NCKAP1: variants seen among roughly 807,000 people sequenced by gnomAD.
The protein encoded by NCKAP1 is nck-associated protein 1.
Under a neutral mutation model 151.2 loss-of-function variants are expected in NCKAP1, and 21 were observed. The ratio of observed to expected loss-of-function variants is 0.14; its 90% CI spans 0.10 to 0.20. The LOEUF is 0.20. Among genes scored for constraint, NCKAP1 ranks in the 10% least tolerant of loss-of-function variants. The pLI, the probability that NCKAP1 is intolerant of heterozygous loss-of-function variation, is 1.00. For missense variants in NCKAP1, 933 were observed against 1,352.1 expected (o/e 0.69, Z 4.86); for synonymous variants, 484 against 451.8 (o/e 1.07, Z -0.90).
intron 8 of NCKAP1, among the ~76,000 whole-genome samples, chr2:182,991,447 T>A (rs1698169220): frequency 6.6e-6 from 1 of 151,866 alleles, no homozygotes; most frequent in Non-Finnish European, 1.5e-5. Context: ...TAATCCCAAC[T>A]ATATGGGAGG....
At chr2:182,981,152 T>A in intron 13 of NCKAP1, 92 bp downstream of exon 13, 1 of 1,446,748 alleles carries the variant, frequency 6.9e-7, no homozygotes, top group Non-Finnish European at 9.5e-7. Flanking sequence ...TGGCACATGA[T>A]ATTTCATAAA....
At chr2:182,957,945 GA>G (rs958673877) in intron 18 of NCKAP1, among the ~76,000 whole-genome samples, 1 of 152,098 alleles carries the variant, frequency 6.6e-6, no homozygotes, top group African/African-American at 2.4e-5. Context: ...ATGGCCTTTG[GA>G]AAAAAACTGT....
At chr2:182,928,316 A>T in intron 28 of NCKAP1, 90 bp from the exon 29 acceptor site, 1 of 847,294 alleles carries the variant, frequency 1.2e-6, no homozygotes, top group Admixed American at 2.5e-5. Context: ...ATCTGCATAA[A>T]TAGGGGCATA....
At chr2:183,015,681 C>A (rs1698670303) in intron 2 of NCKAP1, among the ~76,000 whole-genome samples, 1 of 151,494 alleles carries the variant, frequency 6.6e-6, no homozygotes. Context: ...CATCTTACAG[C>A]CCAAAGTGTG....
rs374722862 is a variant in NCKAP1, at chr2:183,018,353, T to C, written c.219+5453A>G. On this transcript the variant is annotated intron_variant, in intron 2 of 30. Transcript: ENST00000361354. ...GACCAGAACTCAAATTCTGGTTTAC[T>C]GAATCCAGAGTCCATCCTCTTAACC... is the stretch of plus-strand genomic sequence containing the variant. Among the ~76,000 whole-genome samples the C allele has an allele frequency of 5.3e-5, 8 of 152,358 alleles. 1 individual carries two copies. Among genetic ancestry groups the C allele is most frequent in the African/African-American group, 1.9e-4 (8 of 41,582 alleles).
intron 23 of NCKAP1, among the ~76,000 whole-genome samples, chr2:182,945,521 G>A (rs1400180525): frequency 2.0e-5 from 3 of 152,126 alleles, no homozygotes; most frequent in African/African-American, 7.2e-5. Context: ...GATGCTATTA[G>A]AGATATCACA....
At chr2:183,029,433 T>C (rs1375324764) in intron 1 of NCKAP1, among the ~76,000 whole-genome samples, 1 of 151,874 alleles carries the variant, frequency 6.6e-6, no homozygotes. Context: ...TTAATGTTAC[T>C]ATTTTTCCAA....
intron 26 of NCKAP1, 79 bp from the exon 27 acceptor site, chr2:182,930,867 C>T (rs962457490): frequency 4.1e-6 from 5 of 1,221,492 alleles, no homozygotes; most frequent in Non-Finnish European, 5.9e-6. Flanking sequence ...TTAGAGTCTG[C>T]CTAGAAGAAC....
intron 6 of NCKAP1, among the ~76,000 whole-genome samples, chr2:183,000,130 C>T (rs914586576): frequency 6.6e-6 from 1 of 152,074 alleles, no homozygotes; most frequent in Admixed American, 6.6e-5. Flanking sequence ...TGAAAGTGTA[C>T]CCCATGAATC....
chr2:182,937,114 C>CAAAAAAAAA (rs67087110), intron 24 of NCKAP1, among the ~76,000 whole-genome samples: 1 of 80,810 alleles, frequency 1.2e-5, no homozygotes, highest in Non-Finnish European at 2.1e-5. Context: ...GACTGTCTCA[C>CAAAAAAAAA]AAAAAAAAAA....
chr2:182,980,388 T>G (rs1697913637), intron 13 of NCKAP1, among the ~76,000 whole-genome samples: 1 of 152,050 alleles, frequency 6.6e-6, no homozygotes, highest in South Asian at 2.1e-4. Context: ...AGTATGGTTA[T>G]TTCTCTGGAA....
intron 10 of NCKAP1, among the ~76,000 whole-genome samples, chr2:182,985,800 CAAAAAA>C (rs79099011): frequency 1.4e-5 from 1 of 69,630 alleles, no homozygotes; most frequent in Admixed American, 1.6e-4. Flanking sequence ...GAGACTGTCT[CAAAAAA>C]AAAAAAAAAA....
chr2:182,940,444 T>G (rs1696972870), intron 24 of NCKAP1, among the ~76,000 whole-genome samples: 1 of 151,494 alleles, frequency 6.6e-6, no homozygotes. Context: ...ACAGCTCCAT[T>G]TTTTTTTTCT....
intron 18 of NCKAP1, among the ~76,000 whole-genome samples, chr2:182,960,267 T>C (rs1440795445): frequency 1.3e-5 from 2 of 152,206 alleles, no homozygotes; most frequent in Non-Finnish European, 2.9e-5. Context: ...AGAGCCCGCA[T>C]TGCCAAGTCA....
chr2:182,959,946 C>G (rs1441427675), intron 18 of NCKAP1, among the ~76,000 whole-genome samples: 1 of 152,114 alleles, frequency 6.6e-6, no homozygotes, highest in Non-Finnish European at 1.5e-5. Flanking sequence ...CAATAACAGA[C>G]AGAGAGCCAA....
At chr2:182,949,651 G>A (rs148541534) in intron 23 of NCKAP1, among the ~76,000 whole-genome samples, 3 of 152,106 alleles carry the variant, frequency 2.0e-5, no homozygotes, top group South Asian at 2.1e-4. Context: ...AAAATTAGCC[G>A]TACTTGCTGG....
intron 16 of NCKAP1, among the ~76,000 whole-genome samples, chr2:182,966,526 A>G (rs1457608201): frequency 1.3e-5 from 2 of 152,128 alleles, no homozygotes; most frequent in Non-Finnish European, 2.9e-5. Flanking sequence ...ACCTCAGGTG[A>G]TTCACCCACC....
At chr2:182,927,621 C>T (rs10189505) in intron 29 of NCKAP1, among the ~76,000 whole-genome samples, 143,601 of 152,076 alleles carry the variant, frequency 0.94, 67,911 homozygotes, top group East Asian at 0.99. Context: ...ACTCCTCTCT[C>T]TTGGTAGTGA....
In NCKAP1 at chr2:182,930,643, C is replaced by T. The variant is rs372517670; in HGVS notation, c.2953+52G>A. ...GTTAAATATCATACCTATACCTATG[C>T]TGCCCTGGTAACTTTAACTAAGAGT... On this transcript the variant is annotated intron_variant, in intron 27 of 30. Coordinates refer to ENST00000361354, the MANE Select transcript of NCKAP1 (RefSeq NM_013436.5). 1.4e-4 allele frequency: 188 copies of T among 1,390,240 alleles called. 1 individual carries two copies. In the African/African-American group the frequency reaches 2.2e-3, roughly 16 times the overall value. 86.1% of individuals were successfully genotyped at this position (1,390,240 alleles called of 1,614,324 possible). A position where few individuals can be genotyped will look rare whatever the true frequency, so the allele number is the denominator to read the frequency against.
Sources: allele counts gnomAD v4.1 joint callset (sites outside exome capture counted in the v4.1 genomes callset), GRCh38; gene constraint gnomAD v4.1.1; transcripts MANE v1.5; gene names NCBI Gene and HGNC (gene_info 2026-07-23, HGNC 2026-07-21).